Variants in FLNB observed in about 807,000 individuals in gnomAD.
FLNB encodes the protein filamin-B.
Under a neutral mutation model 250.6 loss-of-function variants are expected in FLNB, and 111 were observed. That is an observed-to-expected ratio of 0.44 (90% CI 0.38 to 0.52). The LOEUF (loss-of-function observed/expected upper bound fraction) is 0.52, where lower values mean the gene tolerates loss of function less well. Ranked by LOEUF, FLNB falls within the 20% of genes least tolerant of loss-of-function variation. The pLI is 0.00. For missense variants in FLNB, 2,869 were observed against 3,447.8 expected, an observed-to-expected ratio of 0.83 and a Z score of 4.20; for synonymous variants, 1,302 against 1,372.1, an observed-to-expected ratio of 0.95 and a Z score of 1.13.
intron 1 of FLNB, among the ~76,000 whole-genome samples, chr3:58,016,128 C>T (rs1409439654): frequency 2.0e-5 from 3 of 151,710 alleles, no homozygotes; most frequent in Non-Finnish European, 2.9e-5. Context: ...GGCATGATCT[C>T]GGCTCACTGC....
At chr3:58,094,804 G>T in intron 4 of FLNB, 32 bp from the exon 5 acceptor site, 7 of 1,578,486 alleles carry the variant, frequency 4.4e-6, no homozygotes, top group Non-Finnish European at 5.2e-6. Flanking sequence ...CCCTCGCCTG[G>T]CTTCTAACAT....
chr3:58,052,222 A>C (rs1013323422), intron 1 of FLNB, among the ~76,000 whole-genome samples: 2 of 152,198 alleles, frequency 1.3e-5, no homozygotes, highest in African/African-American at 4.8e-5. Flanking sequence ...CTTGGAATAC[A>C]ATTCGGATTG....
chr3:58,124,721 C>T (rs1049727386), intron 22 of FLNB, among the ~76,000 whole-genome samples: 1 of 152,212 alleles, frequency 6.6e-6, no homozygotes, highest in Non-Finnish European at 1.5e-5. Context: ...GGTTTAGCCT[C>T]AGTCTCACCT....
intron 1 of FLNB, among the ~76,000 whole-genome samples, chr3:58,062,086 A>G (rs528390282): frequency 1.6e-4 from 24 of 152,306 alleles, no homozygotes; most frequent in African/African-American, 5.5e-4. Context: ...GCGAGACTCC[A>G]TTAAAAAATA....
intron 1 of FLNB, among the ~76,000 whole-genome samples, chr3:58,053,577 C>T (rs980359006): frequency 2.6e-5 from 4 of 152,200 alleles, no homozygotes; most frequent in African/African-American, 9.7e-5. Context: ...TCTTCTGCTT[C>T]AGCCTCCCCA....
chr3:58,090,912 A>C (rs2097225945), intron 4 of FLNB, among the ~76,000 whole-genome samples: 1 of 152,028 alleles, frequency 6.6e-6, no homozygotes, highest in South Asian at 2.1e-4. Context: ...CCCTGTCTCT[A>C]CTAAAAATAC....
intron 25 of FLNB, among the ~76,000 whole-genome samples, chr3:58,131,264 A>G (rs1462195361): frequency 1.3e-5 from 2 of 152,100 alleles, no homozygotes; most frequent in African/African-American, 4.8e-5. Context: ...TGGAGGTGAT[A>G]ACTCATTGAG....
chr3:58,146,240 T>C (rs541150455), intron 33 of FLNB, among the ~76,000 whole-genome samples, 191 bp downstream of exon 33: 28 of 152,362 alleles, frequency 1.8e-4, no homozygotes, highest in Middle Eastern at 3.4e-3. Flanking sequence ...TTTGAAGTCC[T>C]TTGTGTTCTA....
chr3:58,061,322 C>G (rs1410322847), intron 1 of FLNB, among the ~76,000 whole-genome samples: 1 of 152,088 alleles, frequency 6.6e-6, no homozygotes, highest in Admixed American at 6.5e-5. Context: ...GTTGATTTTC[C>G]CACGTTAGTA....
At chr3:58,092,261 A>C (rs983102560) in intron 4 of FLNB, among the ~76,000 whole-genome samples, 5 of 152,214 alleles carry the variant, frequency 3.3e-5, no homozygotes, top group African/African-American at 1.2e-4. Context: ...ACGGATGGAG[A>C]GAAACTGAAT....
chr3:58,011,214 GTCC>G (rs1260112139), intron 1 of FLNB, among the ~76,000 whole-genome samples: 1 of 151,974 alleles, frequency 6.6e-6, no homozygotes. Context: ...GCCCAGCCCG[GTCC>G]TCCTTTTATT....
intron 8 of FLNB, among the ~76,000 whole-genome samples, chr3:58,100,373 A>AATATAT (rs1553696177): frequency 1.1e-4 from 12 of 104,386 alleles, no homozygotes; most frequent in Non-Finnish European, 1.8e-4. Flanking sequence ...GTAAAAAAAA[A>AATATAT]ATATATATAT....
chr3:58,016,718 G>T (rs184328284), intron 1 of FLNB, among the ~76,000 whole-genome samples: 1 of 151,710 alleles, frequency 6.6e-6, no homozygotes, highest in East Asian at 1.9e-4. Context: ...CCATATTCTT[G>T]TTATTCTGCT....
At chr3:58,030,769 G>A (rs2097129706) in intron 1 of FLNB, among the ~76,000 whole-genome samples, 1 of 152,118 alleles carries the variant, frequency 6.6e-6, no homozygotes, top group Non-Finnish European at 1.5e-5. Flanking sequence ...AGCTACTCGG[G>A]TGGCTGAGGT....
At chr3:58,024,583 C>T (rs533570111) in intron 1 of FLNB, among the ~76,000 whole-genome samples, 131 of 152,188 alleles carry the variant, frequency 8.6e-4, no homozygotes, top group African/African-American at 3.0e-3. Context: ...CCAAAGATAC[C>T]GCCTCCTACC....
chr3:58,047,581 A>G (rs1459355260), intron 1 of FLNB, among the ~76,000 whole-genome samples: 1 of 145,972 alleles, frequency 6.9e-6, no homozygotes, highest in Non-Finnish European at 1.5e-5. Context: ...TTTTTTTTTT[A>G]ATTTATTTTT....
At chr3:58,028,415 A>G (rs1163380493) in intron 1 of FLNB, among the ~76,000 whole-genome samples, 1 of 151,960 alleles carries the variant, frequency 6.6e-6, no homozygotes, top group Non-Finnish European at 1.5e-5. Flanking sequence ...CCCATGAAAT[A>G]TAAATCTATT....
intron 22 of FLNB, 147 bp downstream of exon 22, chr3:58,124,652 G>A (rs1172874434): frequency 3.4e-5 from 30 of 885,674 alleles, no homozygotes; most frequent in East Asian, 2.7e-4. Flanking sequence ...GTCAGCGTCC[G>A]CTGCAGTCAC....
rs1487311310 is a variant in FLNB, at chr3:58,132,613, G to A, written c.4391-195G>A. On this transcript the variant is annotated intron_variant, in intron 25 of 45. Transcript: ENST00000295956. ...ACAAAAAGCTAAAGGTGTCTCTCGG[G>A]GTCATTTCTGCAACCATGAATTGGG... 4 of 676,596 alleles carry A rather than the reference G, an allele frequency of 5.9e-6. No individual in the cohort carries two copies. The East Asian group carries it at 8.3e-5, about 14-fold the overall frequency. The allele number at this position is 676,596 out of a possible 1,614,324, so 41.9% of individuals were successfully genotyped here. A position where few individuals can be genotyped will look rare whatever the true frequency, so the allele number is the denominator to read the frequency against.
Sources: allele counts gnomAD v4.1 joint callset (sites outside exome capture counted in the v4.1 genomes callset), GRCh38; gene constraint gnomAD v4.1.1; transcripts MANE v1.5; gene names NCBI Gene and HGNC (gene_info 2026-07-23, HGNC 2026-07-21).